The following PKIG variants were observed in gnomAD, a reference collection of about 807,000 sequenced individuals.
PKIG encodes the protein protein kinase (cAMP-dependent, catalytic) inhibitor gamma.
In PKIG, 1 loss-of-function variant was observed where a neutral mutation model predicts 6.8. That is an observed-to-expected ratio of 0.15 (90% CI 0.05 to 0.69). The LOEUF is 0.69. Ranked by LOEUF, PKIG falls within the 30% of genes least tolerant of loss-of-function variation. The pLI, the probability that PKIG is intolerant of heterozygous loss-of-function variation, is 0.82. For synonymous variants in PKIG, 39 were observed against 43.0 expected (o/e 0.91, Z 0.36); for missense variants, 77 against 104.0 (o/e 0.74, Z 1.13).
At chr20:44,601,356 G>GC (rs2065120237) in intron 2 of PKIG, among the ~76,000 whole-genome samples, 1 of 152,254 alleles carries the variant, frequency 6.6e-6, no homozygotes, top group Non-Finnish European at 1.5e-5. Flanking sequence ...GCCCAGGCAG[G>GC]CGACAGGCTC....
At chr20:44,587,829 G>A (rs2065002609) in intron 1 of PKIG, among the ~76,000 whole-genome samples, 1 of 152,130 alleles carries the variant, frequency 6.6e-6, no homozygotes, top group African/African-American at 2.4e-5. Flanking sequence ...TATCTCAAAG[G>A]TGCTTGTGTT....
At chr20:44,586,133 T>C (rs1000883044) in intron 1 of PKIG, among the ~76,000 whole-genome samples, 1 of 152,184 alleles carries the variant, frequency 6.6e-6, no homozygotes, top group African/African-American at 2.4e-5. Context: ...CCTGGACTGA[T>C]CACCTCACTT....
chr20:44,552,689 G>A (rs527239369), intron 1 of PKIG, among the ~76,000 whole-genome samples: 21 of 152,120 alleles, frequency 1.4e-4, no homozygotes, highest in Non-Finnish European at 2.8e-4. Flanking sequence ...CCATCTTACA[G>A]GATTGTTGTA....
At chr20:44,617,350 G>A (rs1466286896) in intron 3 of PKIG, among the ~76,000 whole-genome samples, 3 of 152,116 alleles carry the variant, frequency 2.0e-5, no homozygotes, top group Non-Finnish European at 4.4e-5. Context: ...CTGCCCACAT[G>A]CCAGGCCCCA....
intron 2 of PKIG, among the ~76,000 whole-genome samples, chr20:44,609,064 T>G (rs185148450): frequency 4.9e-4 from 75 of 152,306 alleles, no homozygotes; most frequent in African/African-American, 1.6e-3. Flanking sequence ...CATTTGCTGT[T>G]GACTCTAAAG....
chr20:44,591,360 G>T, intron 2 of PKIG, among the ~76,000 whole-genome samples: 1 of 152,276 alleles, frequency 6.6e-6, no homozygotes, highest in South Asian at 2.1e-4. Flanking sequence ...ATGGAAAGTC[G>T]CTGGAGGGCT....
chr20:44,542,571 AT>A (rs921694065), intron 1 of PKIG, among the ~76,000 whole-genome samples: 33 of 151,088 alleles, frequency 2.2e-4, no homozygotes, highest in South Asian at 8.4e-4. Context: ...TAGTGGCCAT[AT>A]TTTTTTTTAA....
upstream of PKIG, among the ~76,000 whole-genome samples, chr20:44,578,500 G>A (rs190399489): frequency 2.1e-3 from 318 of 152,032 alleles, 2 homozygotes; most frequent in South Asian, 0.011. Context: ...GATTACAGGC[G>A]TCAGCCACTG....
intron 1 of PKIG, among the ~76,000 whole-genome samples, chr20:44,551,863 A>G (rs1196408294): frequency 6.6e-6 from 1 of 152,234 alleles, no homozygotes; most frequent in Non-Finnish European, 1.5e-5. Context: ...CTAGATTTGT[A>G]AACAAATATT....
At chr20:44,579,391 G>A (rs567649983), upstream of PKIG, among the ~76,000 whole-genome samples, 1 of 152,238 alleles carries the variant, frequency 6.6e-6, no homozygotes, top group Admixed American at 6.5e-5. Context: ...TTCCTGAAGG[G>A]AAGCCCTTTA....
intron 1 of PKIG, among the ~76,000 whole-genome samples, chr20:44,549,802 G>A (rs1490004017): frequency 6.6e-6 from 1 of 152,090 alleles, no homozygotes; most frequent in Non-Finnish European, 1.5e-5. Context: ...CCCAGCCTGG[G>A]TAACAGCATG....
chr20:44,569,891 G>A (rs2064840714), intron 1 of PKIG, among the ~76,000 whole-genome samples: 1 of 152,228 alleles, frequency 6.6e-6, no homozygotes, highest in Non-Finnish European at 1.5e-5. Context: ...CACTGTGGGA[G>A]GCCAAGGCAT....
intron 1 of PKIG, among the ~76,000 whole-genome samples, chr20:44,553,018 G>T (rs183573558): frequency 3.6e-4 from 55 of 152,288 alleles, no homozygotes; most frequent in Non-Finnish European, 6.5e-4. Context: ...AGAAGTGGGA[G>T]TCGGGTAATC....
At chr20:44,607,484 C>T (rs2065176204) in intron 2 of PKIG, among the ~76,000 whole-genome samples, 1 of 144,270 alleles carries the variant, frequency 6.9e-6, no homozygotes, top group Non-Finnish European at 1.5e-5. Flanking sequence ...TCGAGCAATT[C>T]TCCTGCCTCA....
At chr20:44,538,982 T>C (rs1403131660) in intron 1 of PKIG, among the ~76,000 whole-genome samples, 2 of 151,804 alleles carry the variant, frequency 1.3e-5, no homozygotes, top group African/African-American at 2.4e-5. Context: ...TGGAATGCAG[T>C]GGCGTGATCT....
In PKIG at chr20:44,564,471, GT is replaced by G. The variant is rs559289646; in HGVS notation, c.-240-18104del. The G allele has an allele frequency of 9.8e-3, 1,451 of 147,340 alleles. 9 individuals carry two copies. Among genetic ancestry groups the G allele is most frequent in the Non-Finnish European group, 0.016 (1,030 of 66,432 alleles). 9.1% of individuals were successfully genotyped at this position (147,340 alleles called of 1,614,324 possible). On this transcript the variant is annotated intron_variant, in intron 1 of 4. Transcript: ENST00000372887. ...GATCTCGTTTTTGTACTATTTTAGTGTTTTTTTTTTCTGATGTCATGAAAGG... is the reference window on the plus strand; with the variant it reads ...GATCTCGTTTTTGTACTATTTTAGTGTTTTTTTTTCTGATGTCATGAAAGG...
chr20:44,603,459 A>G (rs2065138827), intron 2 of PKIG, among the ~76,000 whole-genome samples: 1 of 152,078 alleles, frequency 6.6e-6, no homozygotes, highest in African/African-American at 2.4e-5. Context: ...CTGGTAAACA[A>G]CAAAGCTGGG....
intron 2 of PKIG, among the ~76,000 whole-genome samples, chr20:44,603,861 T>C (rs1227699206): frequency 1.3e-5 from 2 of 152,232 alleles, no homozygotes; most frequent in Admixed American, 6.5e-5. Context: ...TGTTAGGGCA[T>C]ATTAGTAATC....
intron 1 of PKIG, among the ~76,000 whole-genome samples, chr20:44,576,153 A>G (rs2064895412): frequency 7.6e-6 from 1 of 131,934 alleles, no homozygotes; most frequent in South Asian, 2.6e-4. Flanking sequence ...GACTGGACTA[A>G]GTAGAGTGTG....
Sources: gnomAD v4.1 joint callset for allele counts (sites outside exome capture counted in the v4.1 genomes callset) on GRCh38, gnomAD v4.1.1 for gene constraint, MANE v1.5 for transcripts, NCBI Gene and HGNC (gene_info 2026-07-23, HGNC 2026-07-21) for gene names.